The following IGSF21 variants were observed in gnomAD, a reference collection of about 807,000 sequenced individuals.
The protein encoded by IGSF21 is immunoglobulin superfamily member 21.
Under a neutral mutation model 46.8 loss-of-function variants are expected in IGSF21, and 28 were observed. That is an observed-to-expected ratio of 0.60 (90% CI 0.44 to 0.82). The LOEUF (loss-of-function observed/expected upper bound fraction) is 0.82. IGSF21 is among the 40% of genes least tolerant of loss of function. The probability of loss-of-function intolerance (pLI) is 0.00; values close to 1 mark genes in which losing one functional copy is unlikely to be tolerated. For missense variants in IGSF21, 624 were observed against 665.5 expected (o/e 0.94, Z 0.69); for synonymous variants, 284 against 273.6 (o/e 1.04, Z -0.38).
intron 6 of IGSF21, among the ~76,000 whole-genome samples, chr1:18,366,263 GC>G (rs1421940328): frequency 6.6e-6 from 1 of 152,164 alleles, no homozygotes; most frequent in African/African-American, 2.4e-5. Flanking sequence ...CAGGATGTTT[GC>G]TGGGTAAATA....
At chr1:18,138,880 T>C (rs2086389889) in intron 1 of IGSF21, among the ~76,000 whole-genome samples, 1 of 152,184 alleles carries the variant, frequency 6.6e-6, no homozygotes, top group Non-Finnish European at 1.5e-5. Flanking sequence ...TTTTTACAGA[T>C]GAGGAAACTG....
At chr1:18,350,993 T>C (rs2085946890) in intron 4 of IGSF21, among the ~76,000 whole-genome samples, 2 of 151,872 alleles carry the variant, frequency 1.3e-5, no homozygotes, top group Non-Finnish European at 2.9e-5. Context: ...TGGAAACACG[T>C]GAGGACTTCT....
intron 2 of IGSF21, among the ~76,000 whole-genome samples, chr1:18,282,372 G>A (rs1013937031): frequency 2.6e-5 from 4 of 152,122 alleles, no homozygotes; most frequent in Non-Finnish European, 5.9e-5. Context: ...AAGTTCGAAT[G>A]TCTGGCATCT....
At chr1:18,363,255 G>A (rs2086122190) in intron 5 of IGSF21, among the ~76,000 whole-genome samples, 1 of 152,168 alleles carries the variant, frequency 6.6e-6, no homozygotes, top group Non-Finnish European at 1.5e-5. Context: ...TGGAGCTAGA[G>A]CAATGGGTAC....
rs543868124 is a variant in IGSF21 at position 18,282,534 on chromosome 1, G to A, written c.184-9332G>A. The stretch of plus-strand genomic sequence containing the variant: ...TTTGGGGGGCTCAGGTGTTTGGGTC[G>A]TGACTGTGGGCTTTGTATTCGACTG... On this transcript the variant is annotated intron_variant, in intron 2 of 9. Coordinates refer to ENST00000251296, the MANE Select transcript of IGSF21 (RefSeq NM_032880.5). 5.9e-4 allele frequency among the ~76,000 whole-genome samples: 89 copies of A among 152,084 alleles called. 1 individual carries two copies. The highest frequency in any genetic ancestry group is 3.4e-3 in the Middle Eastern group (1 of 294).
intron 4 of IGSF21, among the ~76,000 whole-genome samples, chr1:18,351,618 G>A (rs974193762): frequency 1.3e-5 from 2 of 152,156 alleles, no homozygotes; most frequent in Non-Finnish European, 2.9e-5. Context: ...GCCAGTTCTT[G>A]AATGTGCCTC....
chr1:18,298,718 A>C (rs957285801), intron 3 of IGSF21, among the ~76,000 whole-genome samples: 1 of 152,226 alleles, frequency 6.6e-6, no homozygotes, highest in East Asian at 1.9e-4. Context: ...GCATCGGTTC[A>C]CATGTACACT....
chr1:18,121,718 G>C (rs886440871), intron 1 of IGSF21, among the ~76,000 whole-genome samples: 3 of 152,150 alleles, frequency 2.0e-5, no homozygotes, highest in Non-Finnish European at 2.9e-5. Context: ...GCTCAGTGGT[G>C]TGTGACCCTT....
intron 2 of IGSF21, among the ~76,000 whole-genome samples, chr1:18,261,662 G>A (rs2084947922): frequency 6.6e-6 from 1 of 152,196 alleles, no homozygotes; most frequent in South Asian, 2.1e-4. Flanking sequence ...TTAGGTCTTG[G>A]CCCTCTGGGC....
intron 1 of IGSF21, among the ~76,000 whole-genome samples, chr1:18,143,456 C>T (rs935519242): frequency 2.6e-5 from 4 of 152,142 alleles, no homozygotes; most frequent in African/African-American, 9.7e-5. Flanking sequence ...CATGGCTCCC[C>T]AGTGCCCAGT....
intron 3 of IGSF21, among the ~76,000 whole-genome samples, chr1:18,325,623 T>C (rs1266679): frequency 0.27 from 41,554 of 152,080 alleles, 6,532 homozygotes; most frequent in East Asian, 0.56. Flanking sequence ...ACTCCAACTG[T>C]AGGCTCACCA....
intron 1 of IGSF21, among the ~76,000 whole-genome samples, chr1:18,153,072 G>A (rs941447018): frequency 1.3e-5 from 2 of 152,106 alleles, no homozygotes; most frequent in Non-Finnish European, 2.9e-5. Context: ...CAGGTTTGGG[G>A]GCTCAGTGTT....
At chr1:18,167,378 G>T (rs35205275) in intron 1 of IGSF21, among the ~76,000 whole-genome samples, 8,872 of 152,220 alleles carry the variant, frequency 0.058, 334 homozygotes, top group Middle Eastern at 0.17. Flanking sequence ...AGGAAACCAA[G>T]ACTTGAAAAG....
At chr1:18,346,683 G>T (rs2085896705) in intron 4 of IGSF21, among the ~76,000 whole-genome samples, 2 of 152,184 alleles carry the variant, frequency 1.3e-5, no homozygotes, top group Admixed American at 1.3e-4. Context: ...CAGAAAATGG[G>T]CCGTTGGGGT....
At chr1:18,193,535 C>T (rs1198598276) in intron 1 of IGSF21, among the ~76,000 whole-genome samples, 1 of 152,262 alleles carries the variant, frequency 6.6e-6, no homozygotes, top group South Asian at 2.1e-4. Flanking sequence ...TGCTCGAGGG[C>T]AGGAAGCATC....
intron 2 of IGSF21, among the ~76,000 whole-genome samples, chr1:18,281,933 A>C (rs1313211554): frequency 6.6e-6 from 1 of 152,130 alleles, no homozygotes; most frequent in East Asian, 1.9e-4. Context: ...TGGTGGAAAG[A>C]GGGTGTGCTT....
In IGSF21 at chr1:18,236,193, T is replaced by C. The variant is rs571923268; in HGVS notation, c.183+8183T>C. 2.0e-5 allele frequency among the ~76,000 whole-genome samples: 3 copies of C among 152,264 alleles called. No homozygotes were observed. In the South Asian group the frequency reaches 6.2e-4, roughly 32 times the overall value. On this transcript the variant is annotated intron_variant, in intron 2 of 9. Transcript: ENST00000251296. ...AAGGGTGGGGCCAGGTGGAGATAAT[T>C]GAATCATGGGGGCAGCTTCCCCCAT...
At chr1:18,366,517 C>T (rs76713636) in intron 6 of IGSF21, among the ~76,000 whole-genome samples, 3 of 152,032 alleles carry the variant, frequency 2.0e-5, no homozygotes, top group East Asian at 1.9e-4. Flanking sequence ...TGCATATGAG[C>T]CCAGTGAGCT....
chr1:18,375,412 G>A (rs559573559), intron 6 of IGSF21, among the ~76,000 whole-genome samples: 6 of 152,296 alleles, frequency 3.9e-5, no homozygotes, highest in Admixed American at 2.0e-4. Flanking sequence ...TACATTATCC[G>A]TGGAGCTCTG....
Sources: gnomAD v4.1 joint callset for allele counts (sites outside exome capture counted in the v4.1 genomes callset) on GRCh38, gnomAD v4.1.1 for gene constraint, MANE v1.5 for transcripts, NCBI Gene and HGNC (gene_info 2026-07-23, HGNC 2026-07-21) for gene names.